Variants in ZNF431 observed in about 807,000 individuals in gnomAD.
ZNF431 encodes the protein zinc finger protein 431.
ZNF431 carries 34 observed loss-of-function variants against 57.0 expected under a neutral mutation model. That is an observed-to-expected ratio of 0.60 (90% CI 0.45 to 0.79). The LOEUF (loss-of-function observed/expected upper bound fraction) is 0.79. ZNF431 is among the 30% of genes least tolerant of loss of function. The pLI is 0.00. For synonymous variants in ZNF431, 207 were observed against 220.3 expected (o/e 0.94, Z 0.54); for missense variants, 607 against 667.1 (o/e 0.91, Z 0.99).
rs1971465828 is a variant in ZNF431, at chr19:21,189,719, A to G, written c.*5685A>G. 5.1e-6 allele frequency: 2 copies of G among 391,342 alleles called. No homozygotes were observed. The highest frequency in any genetic ancestry group is 3.6e-5 in the East Asian group (1 of 27,622). 24.2% of individuals were successfully genotyped at this position (391,342 alleles called of 1,614,324 possible). A position where few individuals can be genotyped will look rare whatever the true frequency, so the allele number is the denominator to read the frequency against. On this transcript the variant is annotated 3_prime_UTR_variant, in exon 5 of 5. Coordinates refer to ENST00000311048, the MANE Select transcript of ZNF431 (RefSeq NM_133473.4). ...TGATGGTCACCATTTTACTCTCTAC[A>G]TCAATGGGATTAAGTTTTTTGGAAT...
intron 2 of ZNF431, among the ~76,000 whole-genome samples, chr19:21,165,368 GCTAAAGAAAGACTA>G (rs563847927): frequency 4.5e-4 from 68 of 152,238 alleles, no homozygotes; most frequent in Non-Finnish European, 8.7e-4. Context: ...TCTCTAGAGT[GCTAAAGAAAGACTA>G]CTTAAAATCA....
chr19:21,167,507 C>A, intron 3 of ZNF431, 64 bp from the exon 4 acceptor site: 1 of 1,189,026 alleles, frequency 8.4e-7, no homozygotes. Context: ...TTACTGAGCA[C>A]AGTACTAGGT....
At chr19:21,167,759 A>C in intron 4 of ZNF431, 93 bp downstream of exon 4, 1 of 860,240 alleles carries the variant, frequency 1.2e-6, no homozygotes, top group Admixed American at 2.8e-5. Flanking sequence ...TGTTTTGGGA[A>C]GCTGTGTTAT....
chr19:21,156,809 C>T (rs57703132), intron 2 of ZNF431, among the ~76,000 whole-genome samples: 3 of 151,846 alleles, frequency 2.0e-5, no homozygotes, highest in South Asian at 4.1e-4. Context: ...GTGTTTCACT[C>T]TGTCACAAAG....
rs375386379 is a variant in ZNF431 at position 21,142,110 on chromosome 19, C to T, written c.-74C>T. ...GTGTCCTCTGCTCCTAGAGGCCCAA[C>T]ATCTGTGGCCCTGTGACCTGCAGGT... On this transcript the variant is annotated 5_prime_UTR_variant, in exon 1 of 5. Coordinates refer to ENST00000311048, the MANE Select transcript of ZNF431 (RefSeq NM_133473.4). 3.5e-5 allele frequency: 55 copies of T among 1,589,880 alleles called. 2 individuals are homozygous for T. The African/African-American group carries it at 6.0e-4, about 17-fold the overall frequency.
In ZNF431 at chr19:21,192,798, G is replaced by A. The variant is rs2145082734; in HGVS notation, c.*8764G>A. 1 of 152,078 alleles carries A rather than the reference G, an allele frequency of 6.6e-6. No homozygotes were observed. The highest frequency in any genetic ancestry group is 6.6e-5 in the Admixed American group (1 of 15,266). The allele number at this position is 152,078 out of a possible 1,614,324, so 9.4% of individuals were successfully genotyped here. On this transcript the variant is annotated 3_prime_UTR_variant, in exon 5 of 5. Transcript: ENST00000311048. Reference sequence around the variant, plus strand: ...AATTTTTTCAGCGATTTATCATAAGGGAATGTCAAATTCTGTCAAACTTCT... The same window carrying A: ...AATTTTTTCAGCGATTTATCATAAGAGAATGTCAAATTCTGTCAAACTTCT...
At chr19:21,146,080 A>G (rs1348471916) in intron 2 of ZNF431, among the ~76,000 whole-genome samples, 1 of 152,202 alleles carries the variant, frequency 6.6e-6, no homozygotes, top group Non-Finnish European at 1.5e-5. Context: ...GCAGAGTTCT[A>G]CCAGAAAGAG....
chr19:21,160,229 A>G (rs544171055), intron 2 of ZNF431, among the ~76,000 whole-genome samples: 1 of 152,290 alleles, frequency 6.6e-6, no homozygotes, highest in Admixed American at 6.5e-5. Flanking sequence ...AGATGTCAAC[A>G]TAGACATCTG....
Position 21,182,825 on chromosome 19 carries a change from A to C in ZNF431, c.522A>C (p.Lys174Asn). 6.2e-7 allele frequency: 1 copy of C among 1,614,008 alleles called. No homozygotes were observed. The highest frequency in any genetic ancestry group is 8.5e-7 in the Non-Finnish European group (1 of 1,179,916). The part of the protein sequence containing the change: ...LNQCLTTTQS[K>N]IFPCDKYVKV... ...AGTGTTTGACAACTACCCAGAGCAAAATATTTCCATGTGATAAATATGTGA... is the reference window on the plus strand; with the variant it reads ...AGTGTTTGACAACTACCCAGAGCAACATATTTCCATGTGATAAATATGTGA... The change falls in exon 5 of 5, where the codon AAA becomes AAC. Residue 174 changes from lysine to asparagine, a missense_variant. Coordinates refer to ENST00000311048, the MANE Select transcript of ZNF431 (RefSeq NM_133473.4).
intron 1 of ZNF431, among the ~76,000 whole-genome samples, 156 bp from the exon 2 acceptor site, chr19:21,143,395 T>G (rs1969995297): frequency 6.6e-6 from 1 of 152,194 alleles, no homozygotes; most frequent in Admixed American, 6.5e-5. Flanking sequence ...GGTTTTCCTT[T>G]GGAAACTTTA....
Position 21,193,879 on chromosome 19 carries a change from T to A in ZNF431, c.*9845T>A, listed in dbSNP as rs530090612. The A allele has an allele frequency of 6.6e-6, 1 of 152,190 alleles. No homozygotes were observed. The highest frequency in any genetic ancestry group is 2.1e-4 in the South Asian group (1 of 4,820). The allele number at this position is 152,190 out of a possible 1,614,324, so 9.4% of individuals were successfully genotyped here. ...TCTCTAAGCAATGATGAAACATACC[T>A]CACAATAATAAGAGCCATCTATGAC... On this transcript the variant is annotated 3_prime_UTR_variant, in exon 5 of 5. Coordinates refer to ENST00000311048, the MANE Select transcript of ZNF431 (RefSeq NM_133473.4).
rs996991632 is a variant in ZNF431, at chr19:21,192,182, A to C, written c.*8148A>C. 1 of 152,004 alleles carries C rather than the reference A, an allele frequency of 6.6e-6. No individual in the cohort carries two copies. Among genetic ancestry groups the C allele is most frequent in the African/African-American group, 2.4e-5 (1 of 41,374 alleles). 9.4% of individuals were successfully genotyped at this position (152,004 alleles called of 1,614,324 possible). ...ATAAATTTTGTTTATTTATTTATTTATTTTGAGATGGAGTCTCGGTCTGTC... is the reference window on the plus strand; with the variant it reads ...ATAAATTTTGTTTATTTATTTATTTCTTTTGAGATGGAGTCTCGGTCTGTC... On this transcript the variant is annotated 3_prime_UTR_variant, in exon 5 of 5. Transcript: ENST00000311048.
At chr19:21,153,387 G>A (rs941657776) in intron 2 of ZNF431, among the ~76,000 whole-genome samples, 1 of 152,152 alleles carries the variant, frequency 6.6e-6, no homozygotes, top group Non-Finnish European at 1.5e-5. Context: ...CTCTGGTTCA[G>A]TACACCTCTG....
chr19:21,170,632 A>C (rs888711170), intron 4 of ZNF431, among the ~76,000 whole-genome samples: 2 of 151,738 alleles, frequency 1.3e-5, no homozygotes, highest in Admixed American at 6.6e-5. Flanking sequence ...ATGATAACAT[A>C]ATTTCTTTCT....
In ZNF431 at chr19:21,183,443, C is replaced by G. The variant is rs867629561; in HGVS notation, c.1140C>G (p.Gly380=). The part of the protein sequence containing the change: ...KSYKCEECGK[G]FNWSSTLTKH... ...ACAAATGTGAAGAATGTGGCAAAGG[C>G]TTTAATTGGTCCTCAACCCTTACTA... The change falls in exon 5 of 5, where the codon GGC becomes GGG. Residue 380 remains glycine, a synonymous_variant. Coordinates refer to ENST00000311048, the MANE Select transcript of ZNF431 (RefSeq NM_133473.4). 1.9e-6 allele frequency: 3 copies of G among 1,609,676 alleles called. No homozygotes were observed. Among genetic ancestry groups the G allele is most frequent in the Middle Eastern group, 1.7e-4 (1 of 5,998 alleles).
intron 1 of ZNF431, 130 bp downstream of exon 1, chr19:21,142,316 A>AG: frequency 7.5e-7 from 1 of 1,332,440 alleles, no homozygotes; most frequent in Non-Finnish European, 1.1e-6. Flanking sequence ...CTCCTTGCCC[A>AG]GCTCGGCCTC....
chr19:21,144,205 A>ATT (rs752273595), intron 2 of ZNF431, among the ~76,000 whole-genome samples: 1 of 145,084 alleles, frequency 6.9e-6, no homozygotes, highest in African/African-American at 2.5e-5. Flanking sequence ...AAAGGTAGGA[A>ATT]TTTTTTTTTT....
chr19:21,195,601 C>T lies in ZNF431; in HGVS notation c.*11567C>T, dbSNP rs1042890361. 7.2e-5 allele frequency: 11 copies of T among 152,110 alleles called. No individual in the cohort carries two copies. Among genetic ancestry groups the T allele is most frequent in the African/African-American group, 2.7e-4 (11 of 41,416 alleles). 9.4% of individuals were successfully genotyped at this position (152,110 alleles called of 1,614,324 possible). A position where few individuals can be genotyped will look rare whatever the true frequency, so the allele number is the denominator to read the frequency against. On this transcript the variant is annotated 3_prime_UTR_variant, in exon 5 of 5. Transcript: ENST00000311048. ...GATGTATATACCTGGTATAAACAATCTTTTTTGCATATTGAATTCTGCATT... is the reference window on the plus strand; with the variant it reads ...GATGTATATACCTGGTATAAACAATTTTTTTTGCATATTGAATTCTGCATT...
Position 21,149,291 on chromosome 19 carries a change from A to C in ZNF431, c.96+5648A>C, listed in dbSNP as rs557677513. ...CAAAGAGCCAATTTATGACCTTGAAATATTTGGTAAATCTAATATGTGACC... is the reference window on the plus strand; with the variant it reads ...CAAAGAGCCAATTTATGACCTTGAACTATTTGGTAAATCTAATATGTGACC... On this transcript the variant is annotated intron_variant, in intron 2 of 4. Transcript: ENST00000311048. 2.2e-3 allele frequency among the ~76,000 whole-genome samples: 331 copies of C among 152,314 alleles called. 2 individuals are homozygous for C. The highest frequency in any genetic ancestry group is 7.7e-3 in the African/African-American group (321 of 41,584).
Sources: gnomAD v4.1 joint callset for allele counts (sites outside exome capture counted in the v4.1 genomes callset) on GRCh38, gnomAD v4.1.1 for gene constraint, MANE v1.5 for transcripts, NCBI Gene and HGNC (gene_info 2026-07-23, HGNC 2026-07-21) for gene names.